The following DTNB variants were observed in gnomAD, a reference collection of about 807,000 sequenced individuals.
The protein encoded by DTNB is dystrobrevin beta, also known as DTN-B.
In DTNB, 63 loss-of-function variants were observed where a neutral mutation model predicts 90.7. The ratio of observed to expected loss-of-function variants is 0.69; its 90% CI spans 0.57 to 0.86. The LOEUF (loss-of-function observed/expected upper bound fraction) is 0.86, where lower values mean the gene tolerates loss of function less well. Ranked by LOEUF, DTNB falls within the 40% of genes least tolerant of loss-of-function variation. The probability of loss-of-function intolerance (pLI) is 0.00; values close to 1 mark genes in which losing one functional copy is unlikely to be tolerated. For missense variants in DTNB, 744 were observed against 807.1 expected (o/e 0.92, Z 0.95); for synonymous variants, 277 against 286.7 (o/e 0.97, Z 0.34).
chr2:25,492,352 G>A (rs2067721842), intron 9 of DTNB, among the ~76,000 whole-genome samples: 1 of 152,024 alleles, frequency 6.6e-6, no homozygotes, highest in African/African-American at 2.4e-5. Flanking sequence ...CATTTAATGA[G>A]CAAATTATCT....
At chr2:25,440,587 T>C (rs1252442197) in intron 12 of DTNB, among the ~76,000 whole-genome samples, 2 of 152,354 alleles carry the variant, frequency 1.3e-5, no homozygotes, top group East Asian at 3.9e-4. Flanking sequence ...GGCTTGGTCC[T>C]ACATCCAAAT....
At chr2:25,459,481 AT>A in intron 10 of DTNB, among the ~76,000 whole-genome samples, 1 of 152,010 alleles carries the variant, frequency 6.6e-6, no homozygotes. Context: ...GAGAGGTGAC[AT>A]ATGGTTTTAT....
chr2:25,543,596 G>A (rs891313865), intron 8 of DTNB, among the ~76,000 whole-genome samples: 7 of 152,282 alleles, frequency 4.6e-5, no homozygotes, highest in East Asian at 1.9e-4. Flanking sequence ...GAGCCACTGC[G>A]CCTGGCTGAG....
chr2:25,435,022 A>G (rs1472110357), intron 12 of DTNB, among the ~76,000 whole-genome samples: 1 of 151,910 alleles, frequency 6.6e-6, no homozygotes, highest in Non-Finnish European at 1.5e-5. Flanking sequence ...ATAATTCAGT[A>G]ATTTTTTTTC....
chr2:25,570,098 A>G (rs76749562), intron 8 of DTNB, among the ~76,000 whole-genome samples: 13 of 119,092 alleles, frequency 1.1e-4, no homozygotes, highest in African/African-American at 3.5e-4. Flanking sequence ...CTGCATCTGG[A>G]AAAAAAAAAA....
chr2:25,562,826 G>A (rs2058462567), intron 8 of DTNB, among the ~76,000 whole-genome samples: 1 of 151,894 alleles, frequency 6.6e-6, no homozygotes. Context: ...ACGCTGCAGT[G>A]CAGTGGCACA....
At position 25,633,600 on chromosome 2, in the gene DTNB, G is replaced by C. The variant is rs561171050; in HGVS notation, c.149-5216C>G. On this transcript the variant is annotated intron_variant, in intron 3 of 20. Transcript: ENST00000406818. Reference sequence around the variant, plus strand: ...CCGGCCGCCACCCCGTCTGGGAAGTGAGGAGCGTCTCTGCCTAGCCGCCCA... The same window carrying C: ...CCGGCCGCCACCCCGTCTGGGAAGTCAGGAGCGTCTCTGCCTAGCCGCCCA... 5.1e-3 allele frequency among the ~76,000 whole-genome samples: 778 copies of C among 151,918 alleles called. 5 individuals carry two copies. Among genetic ancestry groups the C allele is most frequent in the African/African-American group, 0.018 (732 of 41,414 alleles).
intron 1 of DTNB, among the ~76,000 whole-genome samples, chr2:25,667,322 C>A (rs1168581314): frequency 6.6e-6 from 1 of 151,908 alleles, no homozygotes; most frequent in Non-Finnish European, 1.5e-5. Context: ...AACCCTGTCT[C>A]TACTAAAAAT....
At chr2:25,385,034 A>G (rs1040450562) in intron 18 of DTNB, among the ~76,000 whole-genome samples, 1 of 151,868 alleles carries the variant, frequency 6.6e-6, no homozygotes, top group Non-Finnish European at 1.5e-5. Context: ...ATGCACCACC[A>G]TGCCAGGCTA....
In DTNB at chr2:25,388,778, C is replaced by T. The variant is rs557727445; in HGVS notation, c.1576-417G>A. 9.7e-5 allele frequency: 17 copies of T among 175,246 alleles called. 1 individual carries two copies. The South Asian group carries it at 1.2e-3, about 12-fold the overall frequency. 10.9% of individuals were successfully genotyped at this position (175,246 alleles called of 1,614,324 possible). A position where few individuals can be genotyped will look rare whatever the true frequency, so the allele number is the denominator to read the frequency against. ...TTTGGACCCCTCCCCCCGCTGCTGC[C>T]GGCAACCTGTGAGTGGAAAGGACAT... On this transcript the variant is annotated intron_variant, in intron 16 of 20. Transcript: ENST00000406818.
chr2:25,415,745 A>G (rs1348790468), intron 16 of DTNB, among the ~76,000 whole-genome samples: 1 of 152,084 alleles, frequency 6.6e-6, no homozygotes, highest in Non-Finnish European at 1.5e-5. Flanking sequence ...GGGTTCAGAG[A>G]GCTTCCGGTT....
chr2:25,481,688 C>A (rs2064997847), intron 10 of DTNB: 1 of 152,216 alleles, frequency 6.6e-6, no homozygotes, highest in African/African-American at 2.4e-5. Flanking sequence ...TCAGGGTAGT[C>A]CTACACTTTA....
intron 9 of DTNB, among the ~76,000 whole-genome samples, chr2:25,498,598 C>T (rs1237672876): frequency 6.6e-6 from 1 of 152,042 alleles, no homozygotes; most frequent in African/African-American, 2.4e-5. Context: ...TCACTGGGAG[C>T]ACTCTGGGAG....
intron 1 of DTNB, among the ~76,000 whole-genome samples, chr2:25,659,277 CAAT>C (rs1374702958): frequency 6.6e-6 from 1 of 152,146 alleles, no homozygotes; most frequent in Non-Finnish European, 1.5e-5. Context: ...ACTCTACCAA[CAAT>C]AATGAAATGT....
chr2:25,409,582 C>A (rs1232352828), intron 16 of DTNB, among the ~76,000 whole-genome samples: 1 of 152,160 alleles, frequency 6.6e-6, no homozygotes. Context: ...CAGGACAAAG[C>A]CCACTTTTCA....
chr2:25,550,758 C>T (rs1177009598), intron 8 of DTNB, among the ~76,000 whole-genome samples: 5 of 152,160 alleles, frequency 3.3e-5, no homozygotes, highest in Middle Eastern at 3.4e-3. Flanking sequence ...CAAGCAATTC[C>T]CCTGCCTCAG....
At chr2:25,644,549 T>A (rs1244472788) in intron 2 of DTNB, among the ~76,000 whole-genome samples, 2 of 151,648 alleles carry the variant, frequency 1.3e-5, no homozygotes, top group Admixed American at 6.6e-5. Flanking sequence ...TGATCAGGAG[T>A]TTGAGACAGC....
At chr2:25,429,026 C>T (rs2052909335) in intron 14 of DTNB, among the ~76,000 whole-genome samples, 1 of 152,138 alleles carries the variant, frequency 6.6e-6, no homozygotes, top group South Asian at 2.1e-4. Flanking sequence ...CTTGCCTGTG[C>T]AATCGAGACC....
intron 10 of DTNB, among the ~76,000 whole-genome samples, chr2:25,463,947 C>T (rs1226825388): frequency 1.3e-5 from 2 of 152,238 alleles, no homozygotes; most frequent in Admixed American, 1.3e-4. Context: ...GTTGCCCAGG[C>T]TGCACTGGAG....
Sources: allele counts gnomAD v4.1 joint callset (sites outside exome capture counted in the v4.1 genomes callset), GRCh38; gene constraint gnomAD v4.1.1; transcripts MANE v1.5; gene names NCBI Gene and HGNC (gene_info 2026-07-23, HGNC 2026-07-21).